The following TMEM50B variants were observed in gnomAD, a reference collection of about 807,000 sequenced individuals.
TMEM50B encodes HCV p7-trans-regulated protein 3.
Under a neutral mutation model 23.4 loss-of-function variants are expected in TMEM50B, and 14 were observed. That is an observed-to-expected ratio of 0.60 (90% confidence interval 0.39 to 0.93). The LOEUF (loss-of-function observed/expected upper bound fraction) is 0.93, where lower values mean the gene tolerates loss of function less well. Among genes scored for constraint, TMEM50B ranks in the 40% least tolerant of loss-of-function variants. The pLI, the probability that TMEM50B is intolerant of heterozygous loss-of-function variation, is 0.00. For synonymous variants in TMEM50B, 64 were observed against 62.3 expected, an observed-to-expected ratio of 1.03 and a Z score of -0.13; for missense variants, 159 against 193.0, an observed-to-expected ratio of 0.82 and a Z score of 1.04.
At chr21:33,442,270 A>AGGACT (rs2084015015) in intron 7 of TMEM50B, among the ~76,000 whole-genome samples, 1 of 152,132 alleles carries the variant, frequency 6.6e-6, no homozygotes. Flanking sequence ...TTGAGACTCA[A>AGGACT]GGACTGTCCC....
At chr21:33,441,923 G>A (rs1405149537) in intron 7 of TMEM50B, among the ~76,000 whole-genome samples, 1 of 152,098 alleles carries the variant, frequency 6.6e-6, no homozygotes, top group African/African-American at 2.4e-5. Context: ...GAGCCACCAC[G>A]CCCGGCCTTG....
intron 1 of TMEM50B, among the ~76,000 whole-genome samples, chr21:33,476,466 C>CT (rs771566215): frequency 1.3e-5 from 2 of 152,056 alleles, no homozygotes; most frequent in Admixed American, 6.6e-5. Flanking sequence ...ATTATAAAAT[C>CT]TTTTAAGTTA....
intron 4 of TMEM50B, among the ~76,000 whole-genome samples, chr21:33,462,207 A>T (rs915742350): frequency 2.0e-5 from 3 of 152,186 alleles, no homozygotes; most frequent in Non-Finnish European, 2.9e-5. Flanking sequence ...AACTAAATAG[A>T]GATAGTTTAC....
intron 5 of TMEM50B, among the ~76,000 whole-genome samples, chr21:33,457,880 G>A (rs904953611): frequency 5.3e-4 from 80 of 151,900 alleles, no homozygotes; most frequent in African/African-American, 1.5e-3. Flanking sequence ...CCTAACTTAC[G>A]TAAACGAACT....
rs17880075 is a variant in TMEM50B at position 33,436,541 on chromosome 21, A to G, written c.*2120+2673T>C. ...AGTTTGAGACCAGCGTGGCCAACAT[A>G]GTGAAACCCTGTCTCTACTAAAAAT... On this transcript the variant is annotated intron_variant and NMD_transcript_variant, in intron 8 of 8. Transcript: ENST00000420455. 4.1e-3 allele frequency among the ~76,000 whole-genome samples: 630 copies of G among 152,018 alleles called. 7 individuals carry two copies. Among genetic ancestry groups the G allele is most frequent in the African/African-American group, 0.015 (606 of 41,476 alleles).
At chr21:33,475,354 A>AT (rs918582252) in intron 1 of TMEM50B, among the ~76,000 whole-genome samples, 37 of 150,152 alleles carry the variant, frequency 2.5e-4, no homozygotes, top group South Asian at 6.3e-4. Flanking sequence ...AATTATTACT[A>AT]TTTTTTTTTG....
intron 8 of TMEM50B, among the ~76,000 whole-genome samples, chr21:33,433,282 G>A (rs1293928031): frequency 2.0e-5 from 3 of 152,170 alleles, no homozygotes. Context: ...AGAGATTTGG[G>A]TTACAAATGG....
At chr21:33,458,467 T>C (rs1345352649) in intron 5 of TMEM50B, among the ~76,000 whole-genome samples, 2 of 152,078 alleles carry the variant, frequency 1.3e-5, no homozygotes, top group African/African-American at 4.8e-5. Flanking sequence ...TGAGCCGAGA[T>C]CACGCCACTG....
intron 5 of TMEM50B, among the ~76,000 whole-genome samples, chr21:33,456,473 T>C (rs947917919): frequency 1.3e-5 from 2 of 152,220 alleles, no homozygotes; most frequent in African/African-American, 2.4e-5. Flanking sequence ...ACTATCTTTA[T>C]AGGAAAAGAA....
At chr21:33,436,342 T>G (rs73195828) in intron 8 of TMEM50B, among the ~76,000 whole-genome samples, 13,893 of 151,810 alleles carry the variant, frequency 0.092, 860 homozygotes, top group East Asian at 0.25. Flanking sequence ...AAAAAAAAAT[T>G]GTTTCATTGT....
intron 3 of TMEM50B, among the ~76,000 whole-genome samples, chr21:33,465,746 T>C (rs2084259288): frequency 6.6e-6 from 1 of 152,214 alleles, no homozygotes; most frequent in Non-Finnish European, 1.5e-5. Context: ...TTCTCATTAT[T>C]ATCAAGAGTT....
intron 1 of TMEM50B, among the ~76,000 whole-genome samples, chr21:33,477,743 G>A (rs942183566): frequency 6.6e-6 from 1 of 151,284 alleles, no homozygotes; most frequent in African/African-American, 2.4e-5. Flanking sequence ...CCTGGGAGGC[G>A]GAGGTTGCAG....
intron 4 of TMEM50B, among the ~76,000 whole-genome samples, chr21:33,461,485 C>T (rs1375083201): frequency 6.6e-6 from 1 of 152,110 alleles, no homozygotes; most frequent in Non-Finnish European, 1.5e-5. Flanking sequence ...TAGCTTTTAT[C>T]TAACGTGAAT....
chr21:33,467,939 T>A lies in TMEM50B; in HGVS notation c.100-817A>T, dbSNP rs148365584. On this transcript the variant is annotated intron_variant, in intron 2 of 6. Transcript: ENST00000542230. ...GGTAGTATGAACCTGTAGTCCCAGC[T>A]ACCTGGGAGACTGAGGCAGGAAGAT... 5.5e-3 allele frequency among the ~76,000 whole-genome samples: 831 copies of A among 152,232 alleles called. 5 individuals are homozygous for A. The highest frequency in any genetic ancestry group is 8.9e-3 in the Non-Finnish European group (605 of 68,004).
intron 5 of TMEM50B, 37 bp from the exon 6 acceptor site, chr21:33,455,821 T>A (rs776777712): frequency 6.8e-7 from 1 of 1,468,024 alleles, no homozygotes; most frequent in South Asian, 1.1e-5. Flanking sequence ...GACGGTTATA[T>A]AGGCAAACGG....
At position 33,467,131 on chromosome 21, in the gene TMEM50B, A is replaced by C. The variant is rs1390571451; in HGVS notation, c.100-9T>G. ...CACCAGCCTGTAAAAAACTTAAAAC[A>C]CAGCCCAAGTCACTGAAACATTAAA... On this transcript the variant is annotated splice_polypyrimidine_tract_variant and intron_variant, in intron 2 of 6. Coordinates refer to ENST00000542230, the MANE Select transcript of TMEM50B (RefSeq NM_006134.7). 6.2e-7 allele frequency: 1 copy of C among 1,608,266 alleles called. No homozygotes were observed.
chr21:33,465,880 A>G (rs1051757974), intron 3 of TMEM50B, among the ~76,000 whole-genome samples: 2 of 152,182 alleles, frequency 1.3e-5, no homozygotes, highest in African/African-American at 4.8e-5. Context: ...TTTTTGTTAG[A>G]GCAAGGTACA....
intron 2 of TMEM50B, 39 bp from the exon 3 acceptor site, chr21:33,467,161 T>G (rs2084272091): frequency 1.3e-4 from 189 of 1,506,922 alleles, no homozygotes; most frequent in Non-Finnish European, 1.6e-4. Flanking sequence ...ATTAAAACTC[T>G]TGCTAGCACA....
chr21:33,441,359 G>A (rs2084007320), intron 7 of TMEM50B, among the ~76,000 whole-genome samples: 1 of 152,100 alleles, frequency 6.6e-6, no homozygotes, highest in South Asian at 2.1e-4. Flanking sequence ...TTGGGAATAG[G>A]GTATTACAAG....
Sources: gnomAD v4.1 joint callset for allele counts (sites outside exome capture counted in the v4.1 genomes callset) on GRCh38, gnomAD v4.1.1 for gene constraint, MANE v1.5 for transcripts, NCBI Gene and HGNC (gene_info 2026-07-23, HGNC 2026-07-21) for gene names.